The following KDM4B variants were observed in gnomAD, a reference collection of about 807,000 sequenced individuals.
KDM4B encodes the protein lysine demethylase 4B.
A neutral mutation model predicts 125.2 loss-of-function variants in KDM4B; 32 were observed. The ratio of observed to expected loss-of-function variants is 0.26; its 90% CI spans 0.19 to 0.34. The LOEUF is 0.34. KDM4B is among the 10% of genes least tolerant of loss of function. KDM4B has a pLI of 1.00. For missense variants in KDM4B, 1,190 were observed against 1,577.7 expected, an observed-to-expected ratio of 0.75 and a Z score of 4.16; for synonymous variants, 721 against 677.9, an observed-to-expected ratio of 1.06 and a Z score of -0.99.
Position 5,151,354 on chromosome 19 carries a change from C to T in KDM4B, c.3134C>T (p.Pro1045Leu), listed in dbSNP as rs377086104. The stretch of plus-strand genomic sequence containing the variant: ...CCGCAGTCACTGAGCACGGGGGCAC[C>T]GCAGGAGCCCGCCTTCTCGGGGGAG... ...RSRLSLSTGA[P>L]QEPAFSGEEA... The change falls in exon 23 of 23, where the codon CCG becomes CTG. Residue 1045 changes from proline (P) to leucine (L), a missense_variant. Physicochemically the swap from Pro to Leu is moderately conservative, Grantham distance 98 (BLOSUM62 -3). This residue lies in a region of KDM4B where 109 missense variants were observed against 93.8 expected (regional missense o/e 1.16). Coordinates refer to ENST00000159111, the MANE Select transcript of KDM4B (RefSeq NM_015015.3). 1.7e-4 allele frequency: 272 copies of T among 1,572,554 alleles called. 1 individual carries two copies. The South Asian group carries it at 2.8e-3, about 16-fold the overall frequency.
At chr19:5,070,486 G>A (rs1412041059) in intron 6 of KDM4B, 1 of 152,690 alleles carries the variant, frequency 6.5e-6, no homozygotes, top group Non-Finnish European at 1.5e-5. Context: ...TTACAAAGTC[G>A]GTGACAAATG....
At chr19:5,107,219 T>C (rs2039052411) in intron 9 of KDM4B, among the ~76,000 whole-genome samples, 1 of 152,238 alleles carries the variant, frequency 6.6e-6, no homozygotes, top group East Asian at 1.9e-4. Context: ...CACCACACGA[T>C]GGGACACAGG....
At chr19:5,049,090 G>T (rs1421643267) in intron 6 of KDM4B, among the ~76,000 whole-genome samples, 2 of 152,134 alleles carry the variant, frequency 1.3e-5, no homozygotes, top group Non-Finnish European at 2.9e-5. Context: ...TGCCAGGGCC[G>T]GGGGTGCCTG....
At chr19:4,991,395 C>G (rs760002056) in intron 1 of KDM4B, among the ~76,000 whole-genome samples, 1 of 152,132 alleles carries the variant, frequency 6.6e-6, no homozygotes, top group African/African-American at 2.4e-5. Context: ...GGGAGGATCA[C>G]TTGAGTCCAG....
At chr19:4,975,390 C>G (rs1356212037) in intron 1 of KDM4B, among the ~76,000 whole-genome samples, 1 of 151,936 alleles carries the variant, frequency 6.6e-6, no homozygotes, top group Non-Finnish European at 1.5e-5. Flanking sequence ...AATGTCAAAA[C>G]CATTCTTAGA....
intron 12 of KDM4B, 123 bp downstream of exon 12, chr19:5,131,668 G>GCGGGGGCAGGTGGGGCAGAGGGGA: frequency 1.5e-6 from 1 of 645,948 alleles, no homozygotes; most frequent in Non-Finnish European, 2.6e-6. Flanking sequence ...GGGACAGGAG[G>GCGGGGGCAGGTGGGGCAGAGGGGA]GCTGACTGCT....
rs551806499 is a variant in KDM4B, at chr19:5,152,617, C to A, written c.*1106C>A. 1 of 152,332 alleles carries A rather than the reference C, an allele frequency of 6.6e-6. No individual in the cohort carries two copies. The highest frequency in any genetic ancestry group is 2.4e-5 in the African/African-American group (1 of 41,578). The allele number at this position is 152,332 out of a possible 1,614,324, so 9.4% of individuals were successfully genotyped here. A position where few individuals can be genotyped will look rare whatever the true frequency, so the allele number is the denominator to read the frequency against. On this transcript the variant is annotated 3_prime_UTR_variant, in exon 23 of 23. Transcript: ENST00000159111. ...CTGGTGTCCTCGCTCCACCCACCCA[C>A]GCTGCTGTCACCTGAGGGGAATCTG... is the stretch of plus-strand genomic sequence containing the variant.
rs2037054304 is a variant in KDM4B at position 5,047,226 on chromosome 19, C to T, written c.433-250C>T. 2.6e-5 allele frequency: 12 copies of T among 466,222 alleles called. No homozygotes were observed. In the East Asian group the frequency reaches 4.2e-4, roughly 16 times the overall value. The allele number at this position is 466,222 out of a possible 1,614,324, so 28.9% of individuals were successfully genotyped here. On this transcript the variant is annotated intron_variant, in intron 5 of 22. Coordinates refer to ENST00000159111, the MANE Select transcript of KDM4B (RefSeq NM_015015.3). ...GACTGAGGCTGGAGGATTACCTGAGCCTGGGAGGTTGAGGCTGCAGTGAGC... is the reference window on the plus strand; with the variant it reads ...GACTGAGGCTGGAGGATTACCTGAGTCTGGGAGGTTGAGGCTGCAGTGAGC...
chr19:5,139,903 C>T (rs1017777349), intron 18 of KDM4B, among the ~76,000 whole-genome samples: 2 of 152,258 alleles, frequency 1.3e-5, no homozygotes, highest in Non-Finnish European at 2.9e-5. Context: ...TCCTCCTGCT[C>T]TCAGCAATGA....
At chr19:5,005,752 T>C (rs1180706318) in intron 1 of KDM4B, among the ~76,000 whole-genome samples, 1 of 152,184 alleles carries the variant, frequency 6.6e-6, no homozygotes, top group East Asian at 1.9e-4. Flanking sequence ...TCTTAGAGGC[T>C]ACAGGGCCAC....
intron 13 of KDM4B, 102 bp downstream of exon 13, chr19:5,132,109 C>A: frequency 2.2e-6 from 3 of 1,367,986 alleles, no homozygotes; most frequent in African/African-American, 1.5e-5. Flanking sequence ...TCCCCCACTT[C>A]CTGGGTCTCC....
chr19:5,087,085 C>G (rs1052163897), intron 9 of KDM4B, among the ~76,000 whole-genome samples: 2 of 152,260 alleles, frequency 1.3e-5, no homozygotes. Flanking sequence ...TGGCGCCTGC[C>G]TGAGCTCACA....
intron 1 of KDM4B, among the ~76,000 whole-genome samples, chr19:4,982,745 T>C (rs900133108): frequency 1.3e-5 from 2 of 152,040 alleles, no homozygotes; most frequent in African/African-American, 4.8e-5. Flanking sequence ...CCTGAGTAGC[T>C]GGGACTACAG....
intron 10 of KDM4B, among the ~76,000 whole-genome samples, chr19:5,117,774 A>C (rs988690204): frequency 6.8e-6 from 1 of 147,714 alleles, no homozygotes; most frequent in Non-Finnish European, 1.5e-5. Flanking sequence ...CCTGCCTCCC[A>C]CCCCTGCCCG....
intron 3 of KDM4B, 122 bp downstream of exon 3, chr19:5,033,153 G>T (rs2036512122): frequency 8.6e-7 from 1 of 1,158,802 alleles, no homozygotes; most frequent in Admixed American, 2.3e-5. Context: ...ATGTGTTTCG[G>T]GGCCACTCCC....
intron 1 of KDM4B, among the ~76,000 whole-genome samples, chr19:4,973,558 G>T (rs1044538979): frequency 1.3e-5 from 2 of 152,120 alleles, no homozygotes; most frequent in African/African-American, 4.8e-5. Flanking sequence ...AAGAAAATTT[G>T]TATCTTCCCA....
chr19:5,016,180 G>A (rs372934000), intron 1 of KDM4B, 77 bp from the exon 2 acceptor site: 1 of 152,228 alleles, frequency 6.6e-6, no homozygotes, highest in Non-Finnish European at 1.5e-5. Flanking sequence ...GCGTACAGCT[G>A]GTGGGAGTCG....
chr19:5,039,033 A>T (rs1309406766), intron 3 of KDM4B, among the ~76,000 whole-genome samples: 3 of 152,260 alleles, frequency 2.0e-5, no homozygotes, highest in African/African-American at 7.2e-5. Context: ...CCTGTTCTCC[A>T]GGTGCATGTG....
At chr19:5,084,629 A>G (rs144268009) in intron 9 of KDM4B, among the ~76,000 whole-genome samples, 5,813 of 144,488 alleles carry the variant, frequency 0.04, 186 homozygotes, top group Non-Finnish European at 0.067. Flanking sequence ...ATTTATATAT[A>G]TAAATTATAT....
Sources: allele counts gnomAD v4.1 joint callset (sites outside exome capture counted in the v4.1 genomes callset), GRCh38; gene constraint gnomAD v4.1.1; regional missense constraint gnomAD v4.1.1; transcripts MANE v1.5; gene names NCBI Gene and HGNC (gene_info 2026-07-23, HGNC 2026-07-21).